LPCAT1: variants seen among roughly 807,000 people sequenced by gnomAD.
The protein encoded by LPCAT1 is 1-acylglycerol-3-phosphate O-acyltransferase.
Under a neutral mutation model 60.9 loss-of-function variants are expected in LPCAT1, and 23 were observed. The observed-to-expected ratio is 0.38, with a 90% confidence interval of 0.27 to 0.53. LPCAT1 has a LOEUF of 0.53. Ranked by LOEUF, LPCAT1 falls within the 20% of genes least tolerant of loss-of-function variation. The pLI is 0.82. For synonymous variants in LPCAT1, 340 were observed against 301.1 expected (o/e 1.13, Z -1.34); for missense variants, 622 against 723.6 (o/e 0.86, Z 1.61).
Position 1,477,307 on chromosome 5 carries a change from CCTTTTCCTAACG to C in LPCAT1, c.899+85_899+96del. 1.0e-6 allele frequency: 1 copy of C among 1,001,636 alleles called. No individual in the cohort carries two copies. The highest frequency in any genetic ancestry group is 1.5e-6 in the Non-Finnish European group (1 of 653,552). 62.0% of individuals were successfully genotyped at this position (1,001,636 alleles called of 1,614,324 possible). On this transcript the variant is annotated intron_variant, in intron 9 of 13. Transcript: ENST00000283415. This position sits in a 1 kb window ranked among gnomAD's most constrained non-coding sequence, Gnocchi z 6.0. The stretch of plus-strand genomic sequence containing the variant: ...TGGTTCCCGCACTTCTGCAAGAATG[CCTTTTCCTAACG>C]CTGTTGCCTATTTTAAATATACAGA...
In LPCAT1 at chr5:1,465,205, AAC is replaced by A. The variant is rs200690308; in HGVS notation, c.1421-1372_1421-1371del. On this transcript the variant is annotated intron_variant, in intron 13 of 13. Coordinates refer to ENST00000283415, the MANE Select transcript of LPCAT1 (RefSeq NM_024830.5). ...CAAGCGCACGCGCACACAGTAACTA[AAC>A]ACACATGCGTGCACACACACAAAAC... 8.4e-3 allele frequency among the ~76,000 whole-genome samples: 1,079 copies of A among 128,798 alleles called. 15 individuals carry two copies. The highest frequency in any genetic ancestry group is 0.03 in the African/African-American group (996 of 33,142). The allele number at this position is 128,798 out of a possible 152,430, so 84.5% of individuals were successfully genotyped here. A position where few individuals can be genotyped will look rare whatever the true frequency, so the allele number is the denominator to read the frequency against.
intron 1 of LPCAT1, among the ~76,000 whole-genome samples, chr5:1,519,634 G>A (rs974352908): frequency 1.2e-4 from 18 of 152,196 alleles, no homozygotes; most frequent in South Asian, 2.1e-4. Flanking sequence ...CCTGGGAGAC[G>A]GCACAGCAGC....
At chr5:1,464,858 AGTAAACACATGCGTGTACACAC>A (rs1214792646) in intron 13 of LPCAT1, among the ~76,000 whole-genome samples, 3 of 141,998 alleles carry the variant, frequency 2.1e-5, no homozygotes, top group East Asian at 2.1e-4. Context: ...GTGCACACAC[AGTAAACACATGCGTGTACACAC>A]AAACAAGTGC....
In LPCAT1 at chr5:1,523,884, G is replaced by A. The variant is rs889566730; in HGVS notation, c.-40C>T. 4 of 1,029,610 alleles carry A rather than the reference G, an allele frequency of 3.9e-6. No homozygotes were observed. The highest frequency in any genetic ancestry group is 4.6e-6 in the Non-Finnish European group (4 of 860,472). The allele number at this position is 1,029,610 out of a possible 1,614,324, so 63.8% of individuals were successfully genotyped here. A position where few individuals can be genotyped will look rare whatever the true frequency, so the allele number is the denominator to read the frequency against. On this transcript the variant is annotated 5_prime_UTR_variant, in exon 1 of 14. Coordinates refer to ENST00000283415, the MANE Select transcript of LPCAT1 (RefSeq NM_024830.5). The surrounding 1 kb of genome is among the most constrained non-coding windows in gnomAD (Gnocchi z 7.1). ...GCGGCGAGCGCAGCCGAGCTGCCTGGGGCGCCGAGCGGGGCCGGGGCTAGC... is the reference window on the plus strand; with the variant it reads ...GCGGCGAGCGCAGCCGAGCTGCCTGAGGCGCCGAGCGGGGCCGGGGCTAGC...
chr5:1,508,741 G>A (rs1241034232), intron 1 of LPCAT1, among the ~76,000 whole-genome samples: 1 of 152,202 alleles, frequency 6.6e-6, no homozygotes, highest in Non-Finnish European at 1.5e-5. Context: ...ATGTAAACAA[G>A]GCCATCCAAA....
At chr5:1,494,953 G>A (rs756109321) in intron 2 of LPCAT1, 39 bp from the exon 3 acceptor site, 9 of 1,535,996 alleles carry the variant, frequency 5.9e-6, no homozygotes, top group South Asian at 3.5e-5. Context: ...GCACACGTCC[G>A]CAGTCTCGGA....
Position 1,462,513 on chromosome 5 carries a change from T to C in LPCAT1, c.*1138A>G, listed in dbSNP as rs545283680. 3 of 152,208 alleles carry C rather than the reference T, an allele frequency of 2.0e-5. No homozygotes were observed. Among genetic ancestry groups the C allele is most frequent in the African/African-American group, 4.8e-5 (2 of 41,392 alleles). 9.4% of individuals were successfully genotyped at this position (152,208 alleles called of 1,614,324 possible). A position where few individuals can be genotyped will look rare whatever the true frequency, so the allele number is the denominator to read the frequency against. On this transcript the variant is annotated 3_prime_UTR_variant, in exon 14 of 14. Coordinates refer to ENST00000283415, the MANE Select transcript of LPCAT1 (RefSeq NM_024830.5). Reference sequence around the variant, plus strand: ...GTGTCCGCACGGCTGTCACCAGACATCCTCATCACCCTCCGCACCGCACAG... The same window carrying C: ...GTGTCCGCACGGCTGTCACCAGACACCCTCATCACCCTCCGCACCGCACAG...
intron 1 of LPCAT1, among the ~76,000 whole-genome samples, chr5:1,506,343 C>T (rs1438080372): frequency 6.6e-6 from 1 of 152,200 alleles, no homozygotes; most frequent in African/African-American, 2.4e-5. Flanking sequence ...CCACAGGAGC[C>T]GGGAGCCCTC....
At chr5:1,484,809 C>T (rs1029948692) in intron 5 of LPCAT1, among the ~76,000 whole-genome samples, 1 of 152,152 alleles carries the variant, frequency 6.6e-6, no homozygotes, top group Non-Finnish European at 1.5e-5. Flanking sequence ...GCCCGTGTGC[C>T]GCAGCTTCCC....
At chr5:1,469,160 GTGAGA>G (rs961681504) in intron 12 of LPCAT1, among the ~76,000 whole-genome samples, 15 of 152,200 alleles carry the variant, frequency 9.9e-5, no homozygotes, top group Non-Finnish European at 1.9e-4. Context: ...CTGGAAGCCT[GTGAGA>G]AGTGATCACC....
At chr5:1,511,502 G>A (rs918063460) in intron 1 of LPCAT1, among the ~76,000 whole-genome samples, 2 of 148,442 alleles carry the variant, frequency 1.3e-5, no homozygotes, top group African/African-American at 2.5e-5. Flanking sequence ...TGCTCACCTC[G>A]CTCACCCTAC....
At position 1,485,846 on chromosome 5, in the gene LPCAT1, C is replaced by T. The variant is rs112265213; in HGVS notation, c.668-2360G>A. 5.3e-3 allele frequency among the ~76,000 whole-genome samples: 802 copies of T among 152,352 alleles called. 4 individuals carry two copies. Among genetic ancestry groups the T allele is most frequent in the African/African-American group, 0.018 (737 of 41,574 alleles). On this transcript the variant is annotated intron_variant, in intron 5 of 13. Transcript: ENST00000283415. ...GGACAGCCACATCCATGTCTGTTCA[C>T]AGCCCGTGCAGGGAGGCCACTGTGG...
chr5:1,496,878 T>C lies in LPCAT1; in HGVS notation c.279-1964A>G, dbSNP rs536992093. On this transcript the variant is annotated intron_variant, in intron 2 of 13. Transcript: ENST00000283415. This position sits in a 1 kb window ranked among gnomAD's most constrained non-coding sequence, Gnocchi z 4.7. ...AAAGGGAGCCAGCACAAGCCCAGGGTGCTCAGGTGCCTGGGCAGCCCATTC... is the reference window on the plus strand; with the variant it reads ...AAAGGGAGCCAGCACAAGCCCAGGGCGCTCAGGTGCCTGGGCAGCCCATTC... Among the ~76,000 whole-genome samples the C allele has an allele frequency of 6.6e-6, 1 of 152,134 alleles. No individual in the cohort carries two copies. The highest frequency in any genetic ancestry group is 2.4e-5 in the African/African-American group (1 of 41,426).
rs947777188 is a variant in LPCAT1 at position 1,480,689 on chromosome 5, G to A, written c.761+253C>T. Among the ~76,000 whole-genome samples, 3 of 152,280 alleles carry A rather than the reference G, an allele frequency of 2.0e-5. No homozygotes were observed. Among genetic ancestry groups the A allele is most frequent in the Admixed American group, 1.3e-4 (2 of 15,300 alleles). On this transcript the variant is annotated intron_variant, in intron 7 of 13. Transcript: ENST00000283415. This position sits in a 1 kb window ranked among gnomAD's most constrained non-coding sequence, Gnocchi z 6.4. ...TCGTAATTACTGAGCTGGCAAACTC[G>A]AGAGCCGAATGCAAGACTCACAGTT...
intron 3 of LPCAT1, 98 bp from the exon 4 acceptor site, chr5:1,489,956 G>T (rs145613167): frequency 3.5e-6 from 3 of 865,624 alleles, no homozygotes; most frequent in African/African-American, 1.7e-5. Context: ...CCAGTGGGGC[G>T]GGAGACTCCA....
rs1348268291 is a variant in LPCAT1, at chr5:1,521,418, T to C, written c.135+2292A>G. The C allele has an allele frequency of 3.0e-6, 3 of 985,294 alleles. No homozygotes were observed. Among genetic ancestry groups the C allele is most frequent in the East Asian group, 1.1e-4 (1 of 8,828 alleles). The allele number at this position is 985,294 out of a possible 1,614,324, so 61.0% of individuals were successfully genotyped here. A position where few individuals can be genotyped will look rare whatever the true frequency, so the allele number is the denominator to read the frequency against. On this transcript the variant is annotated intron_variant, in intron 1 of 13. Coordinates refer to ENST00000283415, the MANE Select transcript of LPCAT1 (RefSeq NM_024830.5). This position sits in a 1 kb window ranked among gnomAD's most constrained non-coding sequence, Gnocchi z 4.3. ...AGTGTGTCAGCCACTACTGGACCCA[T>C]TTCTTTCTTTGGGGAAGAAGGCTTT...
intron 1 of LPCAT1, among the ~76,000 whole-genome samples, chr5:1,503,770 T>C (rs933924079): frequency 6.6e-6 from 1 of 150,470 alleles, no homozygotes; most frequent in Admixed American, 6.6e-5. Flanking sequence ...TTTTTGTCAA[T>C]GGGGAAGTCT....
intron 1 of LPCAT1, among the ~76,000 whole-genome samples, chr5:1,503,899 C>T (rs886430661): frequency 6.6e-6 from 1 of 152,200 alleles, no homozygotes; most frequent in Non-Finnish European, 1.5e-5. Context: ...CAAGCCTGCT[C>T]TCTGGTTTCA....
chr5:1,475,520 C>A (rs181579334), intron 9 of LPCAT1, among the ~76,000 whole-genome samples: 1 of 152,354 alleles, frequency 6.6e-6, no homozygotes, highest in East Asian at 1.9e-4. Flanking sequence ...AACTCAGAAC[C>A]CCAAATGACT....
Sources: gnomAD v4.1 joint callset for allele counts (sites outside exome capture counted in the v4.1 genomes callset) on GRCh38, gnomAD v4.1.1 for gene constraint, Gnocchi (gnomAD v3.1) non-coding constraint, MANE v1.5 for transcripts, NCBI Gene and HGNC (gene_info 2026-07-23, HGNC 2026-07-21) for gene names.